Variants in GRAMD1B observed in about 807,000 individuals in gnomAD.
GRAMD1B encodes protein Aster-B.
Under a neutral mutation model 99.7 loss-of-function variants are expected in GRAMD1B, and 37 were observed. The ratio of observed to expected loss-of-function variants is 0.37; its 90% CI spans 0.29 to 0.49. GRAMD1B has a LOEUF of 0.49. GRAMD1B is among the 20% of genes least tolerant of loss of function. The pLI, the probability that GRAMD1B is intolerant of heterozygous loss-of-function variation, is 0.98. For missense variants in GRAMD1B, 888 were observed against 1,009.2 expected (o/e 0.88, Z 1.63); for synonymous variants, 427 against 387.6 (o/e 1.10, Z -1.19).
chr11:123,555,585 G>A (rs189315594), intron 2 of GRAMD1B, among the ~76,000 whole-genome samples: 24 of 152,194 alleles, frequency 1.6e-4, no homozygotes, highest in Admixed American at 1.0e-3. Flanking sequence ...CTGATCTCAG[G>A]TGATGCACCT....
At chr11:123,391,614 G>A (rs546229195) in intron 1 of GRAMD1B, among the ~76,000 whole-genome samples, 6 of 152,194 alleles carry the variant, frequency 3.9e-5, no homozygotes, top group South Asian at 4.1e-4. Context: ...CTGCCAGCAC[G>A]CCTGGCTAAT....
intron 2 of GRAMD1B, chr11:123,509,985 C>G (rs950383709): frequency 6.6e-6 from 1 of 152,158 alleles, no homozygotes; most frequent in Non-Finnish European, 1.5e-5. Flanking sequence ...GGGTGTGAAC[C>G]GCCCGCTCCT....
intron 1 of GRAMD1B, among the ~76,000 whole-genome samples, chr11:123,468,035 T>C (rs1016158632): frequency 6.6e-6 from 1 of 151,990 alleles, no homozygotes; most frequent in Non-Finnish European, 1.5e-5. Flanking sequence ...GCTATTTTTT[T>C]GTATTTTTAG....
In GRAMD1B at chr11:123,577,428, C is replaced by A. The variant is rs537927876; in HGVS notation, c.514C>A (p.Arg172Ser). Reference protein sequence around the residue: ...ACSPILRKRSRSPTPQNQDGD... With the variant: ...ACSPILRKRSSSPTPQNQDGD... ...CTCGCCCATCCTCCGGAAGCGGTCTCGCTCGCCAACCCCGCAGAACCAGGA... is the reference window on the plus strand; with the variant it reads ...CTCGCCCATCCTCCGGAAGCGGTCTAGCTCGCCAACCCCGCAGAACCAGGA... The change falls in exon 3 of 20, where the codon CGC becomes AGC. Residue 172 changes from arginine (R) to serine (S), a missense_variant. Around this residue, in one of 5 missense-constraint regions of GRAMD1B, gnomAD observed 233 missense variants for 154.6 expected, o/e 1.51. Coordinates refer to ENST00000635736, the MANE Select transcript of GRAMD1B (RefSeq NM_001387025.1). The A allele has an allele frequency of 1.0e-5, 16 of 1,600,970 alleles. No homozygotes were observed. Among genetic ancestry groups the A allele is most frequent in the Admixed American group, 1.7e-5 (1 of 58,328 alleles).
At chr11:123,532,881 C>T (rs778224342) in intron 2 of GRAMD1B, among the ~76,000 whole-genome samples, 17 of 152,216 alleles carry the variant, frequency 1.1e-4, no homozygotes, top group Admixed American at 6.5e-5. Flanking sequence ...CTATGACTGG[C>T]TGATCTAAAA....
chr11:123,624,458 G>A lies in GRAMD1B; in HGVS notation c.*1863G>A, dbSNP rs1955382585. 1 of 152,230 alleles carries A rather than the reference G, an allele frequency of 6.6e-6. No homozygotes were observed. The highest frequency in any genetic ancestry group is 1.5e-5 in the Non-Finnish European group (1 of 68,052). The allele number at this position is 152,230 out of a possible 1,614,324, so 9.4% of individuals were successfully genotyped here. A position where few individuals can be genotyped will look rare whatever the true frequency, so the allele number is the denominator to read the frequency against. On this transcript the variant is annotated 3_prime_UTR_variant, in exon 20 of 20. Transcript: ENST00000635736. ...AGGGTGAGGAGGCTCCAGGGCATGA[G>A]CTAGAGTGGATATTCCTCCCCTAGA...
At chr11:123,429,899 G>A (rs1948786427), upstream of GRAMD1B, among the ~76,000 whole-genome samples, 1 of 152,166 alleles carries the variant, frequency 6.6e-6, no homozygotes, top group Admixed American at 6.5e-5. The surrounding 1 kb of genome is among the most constrained non-coding windows in gnomAD (Gnocchi z 4.0). Flanking sequence ...GGAGACAAGA[G>A]CTAGTTGAAA....
chr11:123,589,076 C>T (rs757099423), intron 4 of GRAMD1B, among the ~76,000 whole-genome samples: 9 of 151,468 alleles, frequency 5.9e-5, no homozygotes, highest in African/African-American at 1.7e-4. Flanking sequence ...TGTTTGTGAC[C>T]GGAATGTGTC....
At chr11:123,449,678 A>G (rs1949794033) in intron 1 of GRAMD1B, among the ~76,000 whole-genome samples, 1 of 146,354 alleles carries the variant, frequency 6.8e-6, no homozygotes, top group South Asian at 2.1e-4. Flanking sequence ...GATCTCTTGA[A>G]TAGCTGGGTC....
chr11:123,598,184 G>A (rs569233049), intron 7 of GRAMD1B: 142 of 1,500,884 alleles, frequency 9.5e-5, no homozygotes, highest in African/African-American at 1.8e-4. Context: ...GCAAAGTGCC[G>A]CTGGAAGGCT....
intron 2 of GRAMD1B, among the ~76,000 whole-genome samples, chr11:123,562,395 G>T (rs1002682166): frequency 2.0e-5 from 3 of 152,132 alleles, no homozygotes; most frequent in Admixed American, 6.6e-5. Context: ...TTGGTACAGG[G>T]CCAGACAGTC....
chr11:123,430,701 G>A lies in GRAMD1B; in HGVS notation c.-92G>A. 1.7e-6 allele frequency: 1 copy of A among 583,864 alleles called. No homozygotes were observed. Among genetic ancestry groups the A allele is most frequent in the Non-Finnish European group, 3.0e-6 (1 of 331,492 alleles). 36.2% of individuals were successfully genotyped at this position (583,864 alleles called of 1,614,324 possible). A position where few individuals can be genotyped will look rare whatever the true frequency, so the allele number is the denominator to read the frequency against. ...CTTCGGCCCCAGGATTGGGGAGTGT[G>A]CCGCGGGGCCGAGGGTGGGGAACAG... On this transcript the variant is annotated 5_prime_UTR_variant, in exon 1 of 20. Transcript: ENST00000635736.
chr11:123,465,625 C>T (rs903116453), intron 1 of GRAMD1B, among the ~76,000 whole-genome samples: 8 of 151,504 alleles, frequency 5.3e-5, no homozygotes, highest in East Asian at 2.0e-4. Context: ...CAAAATTAGC[C>T]GGGTGTGGTG....
In GRAMD1B at chr11:123,492,286, T is replaced by A. The variant is rs1938637736; in HGVS notation, c.452+11393T>A. ...AAAGGTGCGGTAGGGAACAGTGTAG[T>A]CTGCCTGTGTAGCATCCCCTGGACA... On this transcript the variant is annotated intron_variant, in intron 2 of 19. Transcript: ENST00000635736. The surrounding 1 kb of genome is among the most constrained non-coding windows in gnomAD (Gnocchi z 4.2). Among the ~76,000 whole-genome samples the A allele has an allele frequency of 6.6e-6, 1 of 152,114 alleles. No individual in the cohort carries two copies. The highest frequency in any genetic ancestry group is 2.1e-4 in the South Asian group (1 of 4,814).
At chr11:123,616,072 C>G (rs1954337011) in intron 17 of GRAMD1B, among the ~76,000 whole-genome samples, 1 of 152,210 alleles carries the variant, frequency 6.6e-6, no homozygotes, top group Middle Eastern at 3.4e-3. Flanking sequence ...ACGTGTAATC[C>G]CAGCACTTTG....
In GRAMD1B at chr11:123,430,822, G is replaced by A. The variant is rs1314568224; in HGVS notation, c.30G>A (p.Arg10=). The change falls in exon 1 of 20, where the codon CGG becomes CGA. Residue 10 remains arginine (R), a synonymous_variant. Coordinates refer to ENST00000635736, the MANE Select transcript of GRAMD1B (RefSeq NM_001387025.1). ...CGGCGGCCAACATGATGGAGAACCG[G>A]CCGCTGCCCGCCCTGCAGGTGCCCG... MPAANMMEN[R]PLPALQVPEP... is the part of the protein sequence containing the mutation. The A allele has an allele frequency of 4.3e-6, 3 of 696,174 alleles. No individual in the cohort carries two copies. Among genetic ancestry groups the A allele is most frequent in the Non-Finnish European group, 7.8e-6 (3 of 382,252 alleles). The allele number at this position is 696,174 out of a possible 1,614,324, so 43.1% of individuals were successfully genotyped here. A position where few individuals can be genotyped will look rare whatever the true frequency, so the allele number is the denominator to read the frequency against.
intron 1 of GRAMD1B, among the ~76,000 whole-genome samples, chr11:123,462,716 T>C (rs921500397): frequency 6.6e-6 from 1 of 151,968 alleles, no homozygotes; most frequent in South Asian, 2.1e-4. Context: ...CAATCCCTAA[T>C]CTCAAGTAAT....
At chr11:123,367,142 G>T (rs533343963) in intron 1 of GRAMD1B, among the ~76,000 whole-genome samples, 1 of 152,190 alleles carries the variant, frequency 6.6e-6, no homozygotes, top group South Asian at 2.1e-4. Context: ...GTTTGAGGTT[G>T]CAGTGACCCA....
intron 1 of GRAMD1B, among the ~76,000 whole-genome samples, chr11:123,397,230 G>A (rs1386259280): frequency 6.6e-6 from 1 of 151,882 alleles, no homozygotes; most frequent in East Asian, 1.9e-4. Context: ...ATGGCGAAAT[G>A]CCATCTCTAC....
Sources: gnomAD v4.1 joint callset for allele counts (sites outside exome capture counted in the v4.1 genomes callset) on GRCh38, gnomAD v4.1.1 for gene constraint, gnomAD v4.1.1 regional missense constraint, Gnocchi (gnomAD v3.1) non-coding constraint, MANE v1.5 for transcripts, NCBI Gene and HGNC (gene_info 2026-07-23, HGNC 2026-07-21) for gene names.